Variants in EYA4 observed in about 807,000 individuals in gnomAD.
EYA4 encodes protein phosphatase EYA4.
EYA4 carries 31 observed loss-of-function variants against 87.9 expected under a neutral mutation model. The observed-to-expected ratio is 0.35, with a 90% confidence interval of 0.27 to 0.48. The LOEUF (loss-of-function observed/expected upper bound fraction) is 0.48. Ranked by LOEUF, EYA4 falls within the 20% of genes least tolerant of loss-of-function variation. The probability of loss-of-function intolerance (pLI) is 0.99; values close to 1 mark genes in which losing one functional copy is unlikely to be tolerated. For synonymous variants in EYA4, 263 were observed against 270.6 expected, an observed-to-expected ratio of 0.97 and a Z score of 0.28; for missense variants, 678 against 761.4, an observed-to-expected ratio of 0.89 and a Z score of 1.29.
At chr6:133,448,311 C>T (rs1484998561) in intron 5 of EYA4, 132 bp downstream of exon 5, 2 of 733,700 alleles carry the variant, frequency 2.7e-6, no homozygotes, top group Non-Finnish European at 4.9e-6. Context: ...ATGAACATGC[C>T]TTTTAGTTGT....
intron 2 of EYA4, among the ~76,000 whole-genome samples, chr6:133,355,869 G>A (rs1783979057): frequency 6.6e-6 from 1 of 152,100 alleles, no homozygotes; most frequent in Non-Finnish European, 1.5e-5. Flanking sequence ...TATTGTTGTA[G>A]TCATCTCAGG....
intron 3 of EYA4, among the ~76,000 whole-genome samples, chr6:133,417,739 C>T (rs565912857): frequency 3.9e-5 from 6 of 152,242 alleles, no homozygotes; most frequent in African/African-American, 1.4e-4. Flanking sequence ...TGTAAAAACA[C>T]TGAGAGATAT....
At chr6:133,524,873 A>T in intron 18 of EYA4, 1 of 774,460 alleles carries the variant, frequency 1.3e-6, no homozygotes, top group Non-Finnish European at 2.3e-6. Flanking sequence ...GCCTTACCTT[A>T]TTCAAATATA....
intron 2 of EYA4, among the ~76,000 whole-genome samples, chr6:133,324,437 A>C (rs1461993625): frequency 6.6e-6 from 1 of 152,198 alleles, no homozygotes; most frequent in African/African-American, 2.4e-5. Flanking sequence ...CAGGAGGCAG[A>C]GAGAAGTGTT....
At chr6:133,307,249 A>G (rs1779882166) in intron 2 of EYA4, among the ~76,000 whole-genome samples, 1 of 152,194 alleles carries the variant, frequency 6.6e-6, no homozygotes, top group African/African-American at 2.4e-5. Flanking sequence ...TTTTTAATAG[A>G]TCATGAAATT....
chr6:133,428,119 G>A (rs1790835417), intron 3 of EYA4, among the ~76,000 whole-genome samples: 1 of 152,158 alleles, frequency 6.6e-6, no homozygotes, highest in African/African-American at 2.4e-5. Flanking sequence ...GAATGATGAT[G>A]GGGTTGGTTG....
At chr6:133,337,056 C>T (rs1333470339) in intron 2 of EYA4, among the ~76,000 whole-genome samples, 1 of 152,206 alleles carries the variant, frequency 6.6e-6, no homozygotes, top group Non-Finnish European at 1.5e-5. Flanking sequence ...CTGCGAAATT[C>T]TCCAGGTTCT....
intron 2 of EYA4, among the ~76,000 whole-genome samples, chr6:133,277,410 G>A (rs1777266589): frequency 6.6e-6 from 1 of 152,184 alleles, no homozygotes; most frequent in Non-Finnish European, 1.5e-5. Context: ...AAGGGCATGA[G>A]CTATAAATCA....
intron 2 of EYA4, among the ~76,000 whole-genome samples, chr6:133,372,692 A>ATAC (rs1242369427): frequency 1.3e-5 from 2 of 151,730 alleles, no homozygotes; most frequent in African/African-American, 4.8e-5. Context: ...TAAAATCTGT[A>ATAC]AAATTCAAAA....
chr6:133,403,902 C>T (rs539301580), intron 3 of EYA4, among the ~76,000 whole-genome samples: 40 of 152,278 alleles, frequency 2.6e-4, no homozygotes, highest in Non-Finnish European at 5.6e-4. Flanking sequence ...CCTCTGCCCC[C>T]AGAGTTCAAG....
intron 13 of EYA4, among the ~76,000 whole-genome samples, chr6:133,492,628 A>G (rs1019294577): frequency 6.6e-6 from 1 of 152,248 alleles, no homozygotes; most frequent in Non-Finnish European, 1.5e-5. Context: ...GTAGAAAGAA[A>G]TAAATGGCAT....
chr6:133,329,993 A>G (rs1781799243), intron 2 of EYA4, among the ~76,000 whole-genome samples: 1 of 152,226 alleles, frequency 6.6e-6, no homozygotes, highest in East Asian at 1.9e-4. Context: ...GAATTGGGTC[A>G]GAGCCAGGAA....
At chr6:133,241,152 T>C (rs1423343200), upstream of EYA4, among the ~76,000 whole-genome samples, 1 of 151,674 alleles carries the variant, frequency 6.6e-6, no homozygotes, top group Non-Finnish European at 1.5e-5. Flanking sequence ...ACCATGACAA[T>C]AGGCAGTCAC....
At chr6:133,487,689 A>G (rs567500722) in intron 13 of EYA4, among the ~76,000 whole-genome samples, 1 of 152,250 alleles carries the variant, frequency 6.6e-6, no homozygotes, top group Admixed American at 6.5e-5. Flanking sequence ...CCTGCTACCA[A>G]GATTCATCAC....
intron 2 of EYA4, among the ~76,000 whole-genome samples, chr6:133,371,423 T>C (rs1197551800): frequency 6.6e-6 from 1 of 152,228 alleles, no homozygotes; most frequent in Non-Finnish European, 1.5e-5. Context: ...TGAATAATGA[T>C]GTTACACTAC....
intron 3 of EYA4, among the ~76,000 whole-genome samples, chr6:133,437,448 C>A (rs1219718277): frequency 6.6e-6 from 1 of 152,112 alleles, no homozygotes; most frequent in African/African-American, 2.4e-5. Context: ...GCTGTGTATC[C>A]TCTCTGAGCC....
intron 2 of EYA4, among the ~76,000 whole-genome samples, chr6:133,319,220 A>G (rs1176882499): frequency 6.6e-6 from 1 of 152,240 alleles, no homozygotes; most frequent in Non-Finnish European, 1.5e-5. Flanking sequence ...AGCTTTGAGG[A>G]TATTCACATG....
intron 2 of EYA4, among the ~76,000 whole-genome samples, chr6:133,313,291 T>C (rs1780375539): frequency 6.6e-6 from 1 of 152,202 alleles, no homozygotes; most frequent in African/African-American, 2.4e-5. Context: ...GCATGCCTCC[T>C]TCCTGAGGAC....
intron 13 of EYA4, among the ~76,000 whole-genome samples, chr6:133,488,938 G>A (rs1483955651): frequency 6.6e-6 from 1 of 152,182 alleles, no homozygotes; most frequent in Admixed American, 6.5e-5. Flanking sequence ...CAATCCTAGA[G>A]AGATGGAGAT....
Sources: gnomAD v4.1 joint callset for allele counts (sites outside exome capture counted in the v4.1 genomes callset) on GRCh38, gnomAD v4.1.1 for gene constraint, MANE v1.5 for transcripts, NCBI Gene and HGNC (gene_info 2026-07-23, HGNC 2026-07-21) for gene names.